Variants in CFAP251 observed in about 807,000 individuals in gnomAD.
CFAP251 encodes the protein cilia and flagella associated protein 251.
Under a neutral mutation model 126.7 loss-of-function variants are expected in CFAP251, and 93 were observed. That is an observed-to-expected ratio of 0.73 (90% CI 0.62 to 0.87). CFAP251 has a LOEUF of 0.87. CFAP251 is among the 40% of genes least tolerant of loss of function. The pLI is 0.00. For synonymous variants in CFAP251, 503 were observed against 506.9 expected (o/e 0.99, Z 0.10); for missense variants, 1,287 against 1,389.2 (o/e 0.93, Z 1.17).
chr12:121,966,408 GCA>G (rs1882138734), intron 15 of CFAP251, among the ~76,000 whole-genome samples: 1 of 120,988 alleles, frequency 8.3e-6, no homozygotes, highest in African/African-American at 3.1e-5. Context: ...CTACAGGCGC[GCA>G]CCACTATGCC....
intron 3 of CFAP251, among the ~76,000 whole-genome samples, chr12:121,927,780 C>G (rs1422513851): frequency 6.6e-6 from 1 of 152,162 alleles, no homozygotes; most frequent in Non-Finnish European, 1.5e-5. Flanking sequence ...TCCCATTGTT[C>G]ACGGTAAATA....
intron 7 of CFAP251, among the ~76,000 whole-genome samples, chr12:121,946,603 T>C (rs1280231160): frequency 2.6e-5 from 4 of 152,174 alleles, no homozygotes; most frequent in Non-Finnish European, 1.5e-5. Flanking sequence ...TTGTTTTGTT[T>C]TGTTCTGTTT....
intron 6 of CFAP251, 89 bp downstream of exon 6, chr12:121,942,734 G>A: frequency 3.2e-6 from 4 of 1,258,524 alleles, no homozygotes; most frequent in African/African-American, 1.5e-5. Context: ...AGGCTGGGCT[G>A]TGTGATGTCT....
chr12:121,924,426 C>CT (rs59759704), intron 3 of CFAP251, among the ~76,000 whole-genome samples: 2,769 of 90,184 alleles, frequency 0.031, 202 homozygotes, highest in African/African-American at 0.14. Context: ...AGACTTGTGT[C>CT]TTTTTTTTTT....
intron 14 of CFAP251, among the ~76,000 whole-genome samples, chr12:121,961,435 TG>T (rs959243534): frequency 1.3e-5 from 2 of 151,670 alleles, no homozygotes; most frequent in African/African-American, 4.8e-5. Flanking sequence ...CATTCTGCCC[TG>T]CCCACGGAAG....
At chr12:121,973,693 T>C (rs1017665165) in intron 17 of CFAP251, among the ~76,000 whole-genome samples, 6 of 152,188 alleles carry the variant, frequency 3.9e-5, no homozygotes, top group African/African-American at 1.4e-4. Context: ...ATTTTGGAGC[T>C]TTAAGATTTG....
chr12:121,994,445 G>A (rs1385515951), intron 19 of CFAP251, among the ~76,000 whole-genome samples: 33 of 93,578 alleles, frequency 3.5e-4, no homozygotes, highest in African/African-American at 1.2e-3. Context: ...CCACCACCCC[G>A]TCTGGGACGT....
chr12:121,975,512 G>C, intron 18 of CFAP251, 30 bp from the exon 19 acceptor site: 4 of 1,604,504 alleles, frequency 2.5e-6, no homozygotes, highest in Non-Finnish European at 2.5e-6. Flanking sequence ...GCCTAAATGT[G>C]TGTTGTGTTT....
In CFAP251 at chr12:121,974,111, C is replaced by T. The variant is rs1238719017; in HGVS notation, c.2772-1133C>T. 6.6e-6 allele frequency among the ~76,000 whole-genome samples: 1 copy of T among 152,058 alleles called. No individual in the cohort carries two copies. Among genetic ancestry groups the T allele is most frequent in the East Asian group, 1.9e-4 (1 of 5,186 alleles). Reference sequence around the variant, plus strand: ...ATGGTTGGATTGTGGGGGCAGTTTCCCCCATGCTGTTCCCATGGTAGTGAA... The same window carrying T: ...ATGGTTGGATTGTGGGGGCAGTTTCTCCCATGCTGTTCCCATGGTAGTGAA... On this transcript the variant is annotated intron_variant, in intron 17 of 21. Coordinates refer to ENST00000288912, the MANE Select transcript of CFAP251 (RefSeq NM_144668.6). This position sits in a 1 kb window ranked among gnomAD's most constrained non-coding sequence, Gnocchi z 4.6.
rs532101782 is a variant in CFAP251 at position 121,992,833 on chromosome 12, G to A, written c.3007-6883G>A. On this transcript the variant is annotated intron_variant, in intron 19 of 21. Coordinates refer to ENST00000288912, the MANE Select transcript of CFAP251 (RefSeq NM_144668.6). ...GATCTACCCACTCCAGCCTCCTAAA[G>A]TGCTGGGATTACAGGCGTAAGCCAC... 4.6e-5 allele frequency among the ~76,000 whole-genome samples: 7 copies of A among 152,252 alleles called. No homozygotes were observed. In the South Asian group the frequency reaches 1.2e-3, roughly 27 times the overall value.
At chr12:121,943,411 GTTTTGT>G (rs202054109) in intron 7 of CFAP251, among the ~76,000 whole-genome samples, 4,826 of 152,158 alleles carry the variant, frequency 0.032, 100 homozygotes, top group Non-Finnish European at 0.05. Flanking sequence ...TTGTTTGTTT[GTTTTGT>G]TTTTGTTTTT....
rs780195259 is a variant in CFAP251, at chr12:121,960,755, C to T, written c.2304C>T (p.Leu768=). The T allele has an allele frequency of 4.3e-5, 69 of 1,612,808 alleles. No individual in the cohort carries two copies. Among genetic ancestry groups the T allele is most frequent in the Non-Finnish European group, 5.8e-5 (68 of 1,179,804 alleles). Residue 768 remains leucine, a synonymous_variant, in exon 14 of 22, where the codon CTC becomes CTT. Coordinates refer to ENST00000288912, the MANE Select transcript of CFAP251 (RefSeq NM_144668.6). Reference sequence around the variant, plus strand: ...TGCTGAGCCTTGGGACAGACAGGCTCTTGGTGAGCTGTTTAGTTTTCGTTG... The same window carrying T: ...TGCTGAGCCTTGGGACAGACAGGCTTTTGGTGAGCTGTTTAGTTTTCGTTG... ...PRLLSLGTDR[L]LIEYDLLRSY... is the part of the protein sequence containing the mutation.
At chr12:121,943,034 C>T in intron 7 of CFAP251, 59 bp downstream of exon 7, 1 of 1,581,902 alleles carries the variant, frequency 6.3e-7, no homozygotes. Flanking sequence ...CAAGGCCAGG[C>T]TGGGCGTGGT....
intron 4 of CFAP251, 81 bp downstream of exon 4, chr12:121,931,967 G>A: frequency 7.6e-7 from 1 of 1,308,098 alleles, no homozygotes; most frequent in Non-Finnish European, 1.0e-6. Context: ...CTCAAGGGCT[G>A]ACTTCATTCT....
intron 13 of CFAP251, chr12:121,959,410 T>A (rs1592986117): frequency 4.6e-6 from 1 of 217,886 alleles, no homozygotes; most frequent in East Asian, 1.0e-4. Context: ...TATGTTGGTC[T>A]GCCTTTATGT....
chr12:121,921,138 C>T (rs572177000), intron 1 of CFAP251, 148 bp from the exon 2 acceptor site: 60 of 900,686 alleles, frequency 6.7e-5, no homozygotes, highest in Admixed American at 4.5e-4. Flanking sequence ...CATGAGCCAC[C>T]GTGCCTGGTC....
intron 19 of CFAP251, among the ~76,000 whole-genome samples, chr12:121,996,649 G>T (rs958662306): frequency 9.2e-5 from 14 of 152,104 alleles, no homozygotes; most frequent in African/African-American, 3.4e-4. Context: ...TTCCAAATGA[G>T]AAGGGGAAAA....
At chr12:121,992,341 C>G in intron 19 of CFAP251, 1 of 985,386 alleles carries the variant, frequency 1.0e-6, no homozygotes, top group Non-Finnish European at 1.2e-6. Context: ...GCTGCCAACT[C>G]CGTGCTTGTT....
intron 19 of CFAP251, chr12:121,992,223 C>T (rs74935689): frequency 3.0e-4 from 294 of 985,458 alleles, no homozygotes; most frequent in Non-Finnish European, 2.3e-4. Context: ...TTTCCAGCTC[C>T]GAGGTTCCTC....
Sources: gnomAD v4.1 joint callset for allele counts (sites outside exome capture counted in the v4.1 genomes callset) on GRCh38, gnomAD v4.1.1 for gene constraint, Gnocchi (gnomAD v3.1) non-coding constraint, MANE v1.5 for transcripts, NCBI Gene and HGNC (gene_info 2026-07-23, HGNC 2026-07-21) for gene names.